The following RCAN2 variants were observed in gnomAD, a reference collection of about 807,000 sequenced individuals.
RCAN2 encodes the protein regulator of calcineurin 2.
In RCAN2, 9 loss-of-function variants were observed where a neutral mutation model predicts 23.6. That is an observed-to-expected ratio of 0.38 (90% CI 0.23 to 0.67). The LOEUF is 0.67. Among genes scored for constraint, RCAN2 ranks in the 30% least tolerant of loss-of-function variants. RCAN2 has a pLI of 0.51. For missense variants in RCAN2, 273 were observed against 302.3 expected, an observed-to-expected ratio of 0.90 and a Z score of 0.72; for synonymous variants, 109 against 115.7, an observed-to-expected ratio of 0.94 and a Z score of 0.37.
Position 46,234,817 on chromosome 6 carries a change from G to A in RCAN2, c.572-11516C>T, listed in dbSNP as rs1277069700. On this transcript the variant is annotated intron_variant, in intron 4 of 4. Transcript: ENST00000371374. ...AAATTAGATGCCAAAGTTCTGTCTCGTCTTTTCCCAAGTGGCTGGAGACAG... is the reference window on the plus strand; with the variant it reads ...AAATTAGATGCCAAAGTTCTGTCTCATCTTTTCCCAAGTGGCTGGAGACAG... Among the ~76,000 whole-genome samples, 6 of 152,318 alleles carry A rather than the reference G, an allele frequency of 3.9e-5. No individual in the cohort carries two copies. In the East Asian group the frequency reaches 7.7e-4, roughly 20 times the overall value.
chr6:46,297,355 C>T (rs1054781355), intron 2 of RCAN2, among the ~76,000 whole-genome samples: 17 of 152,232 alleles, frequency 1.1e-4, no homozygotes, highest in African/African-American at 3.4e-4. Context: ...CGAATAATCA[C>T]AGTAAAGCTT....
intron 2 of RCAN2, among the ~76,000 whole-genome samples, chr6:46,437,249 C>A (rs753083621): frequency 6.6e-6 from 1 of 152,138 alleles, no homozygotes; most frequent in African/African-American, 2.4e-5. Flanking sequence ...TAATGCCCTG[C>A]CATCAAGTTC....
At chr6:46,300,828 A>T (rs1295379518) in intron 2 of RCAN2, among the ~76,000 whole-genome samples, 1 of 152,090 alleles carries the variant, frequency 6.6e-6, no homozygotes, top group Non-Finnish European at 1.5e-5. Flanking sequence ...AGAAGAAGAA[A>T]CTAAAATGAG....
At chr6:46,362,268 G>A (rs1316586626) in intron 2 of RCAN2, among the ~76,000 whole-genome samples, 1 of 152,022 alleles carries the variant, frequency 6.6e-6, no homozygotes, top group Non-Finnish European at 1.5e-5. Context: ...CCACTCAAGG[G>A]GAGTGAATTC....
In RCAN2 at chr6:46,221,209, C is replaced by T. The variant is rs1765464876; in HGVS notation, c.*1932G>A. On this transcript the variant is annotated 3_prime_UTR_variant, in exon 5 of 5. Coordinates refer to ENST00000371374, the MANE Select transcript of RCAN2 (RefSeq NM_001251974.2). The stretch of plus-strand genomic sequence containing the variant: ...AACATTTAAAAATCATTTTCAAATA[C>T]TTTCTCTCATCTAGATTTCTTTAGA... The T allele has an allele frequency of 6.6e-6, 1 of 152,424 alleles. No individual in the cohort carries two copies. Among genetic ancestry groups the T allele is most frequent in the Non-Finnish European group, 1.5e-5 (1 of 68,030 alleles). 9.4% of individuals were successfully genotyped at this position (152,424 alleles called of 1,614,324 possible). A position where few individuals can be genotyped will look rare whatever the true frequency, so the allele number is the denominator to read the frequency against.
At chr6:46,315,040 G>A (rs768531772) in intron 2 of RCAN2, among the ~76,000 whole-genome samples, 15 of 152,208 alleles carry the variant, frequency 9.9e-5, no homozygotes, top group African/African-American at 1.7e-4. Flanking sequence ...CAGCCTGGGC[G>A]ATAGAGCCAG....
chr6:46,342,826 C>G (rs531228110), intron 2 of RCAN2, among the ~76,000 whole-genome samples: 4 of 152,098 alleles, frequency 2.6e-5, no homozygotes, highest in Admixed American at 2.0e-4. Context: ...AATAATGGAT[C>G]AGAATCCCAA....
intron 2 of RCAN2, among the ~76,000 whole-genome samples, chr6:46,375,197 G>C (rs1267060733): frequency 1.3e-5 from 2 of 152,144 alleles, no homozygotes; most frequent in Non-Finnish European, 2.9e-5. Flanking sequence ...TGCCTGCCTT[G>C]GCCTCCCAAA....
intron 2 of RCAN2, among the ~76,000 whole-genome samples, chr6:46,375,078 C>T (rs1206900799): frequency 6.6e-6 from 1 of 152,044 alleles, no homozygotes; most frequent in Non-Finnish European, 1.5e-5. Context: ...GCATTACAGC[C>T]AGCAGCCCAG....
chr6:46,325,531 G>A, intron 2 of RCAN2: 2 of 1,608,970 alleles, frequency 1.2e-6, no homozygotes, highest in Non-Finnish European at 8.5e-7. Flanking sequence ...AGTTGGGAGT[G>A]AAGGGAAGAG....
At chr6:46,489,415 G>A (rs1407964216) in intron 1 of RCAN2, among the ~76,000 whole-genome samples, 2 of 152,208 alleles carry the variant, frequency 1.3e-5, no homozygotes, top group African/African-American at 4.8e-5. Context: ...AAGCACACAG[G>A]AGGTGCTCAA....
intron 2 of RCAN2, among the ~76,000 whole-genome samples, chr6:46,429,308 A>G (rs1767120762): frequency 6.6e-6 from 1 of 152,190 alleles, no homozygotes. Flanking sequence ...GCTTTGCACA[A>G]CAGAGGCATT....
chr6:46,418,602 C>T (rs2150411062), intron 2 of RCAN2, among the ~76,000 whole-genome samples: 1 of 151,304 alleles, frequency 6.6e-6, no homozygotes. Context: ...GTGCTAGGAG[C>T]CAGCTCCCAT....
chr6:46,403,168 T>C (rs901460443), intron 2 of RCAN2, among the ~76,000 whole-genome samples: 1 of 151,984 alleles, frequency 6.6e-6, no homozygotes, highest in African/African-American at 2.4e-5. Flanking sequence ...GGTTTCACCA[T>C]GTTAGCCAGG....
intron 2 of RCAN2, among the ~76,000 whole-genome samples, chr6:46,304,886 G>A (rs1208187452): frequency 6.6e-6 from 1 of 152,118 alleles, no homozygotes; most frequent in African/African-American, 2.4e-5. Context: ...CTAGAACGGG[G>A]GGTGCCCAGT....
intron 2 of RCAN2, among the ~76,000 whole-genome samples, chr6:46,442,895 AG>A (rs1281489041): frequency 6.6e-6 from 1 of 152,168 alleles, no homozygotes; most frequent in African/African-American, 2.4e-5. Context: ...AGTCACTTTA[AG>A]AAAGGTTAAG....
chr6:46,310,510 G>T (rs1362762875), intron 2 of RCAN2, among the ~76,000 whole-genome samples: 3 of 150,830 alleles, frequency 2.0e-5, no homozygotes, highest in East Asian at 1.9e-4. Flanking sequence ...TAACACTCTT[G>T]TGAAGAAACT....
intron 1 of RCAN2, among the ~76,000 whole-genome samples, chr6:46,457,974 A>T (rs1461353100): frequency 6.6e-6 from 1 of 152,146 alleles, no homozygotes; most frequent in Non-Finnish European, 1.5e-5. Flanking sequence ...GCTGGTATCT[A>T]CTTTCTTCTT....
At chr6:46,417,335 A>G (rs1237370765) in intron 2 of RCAN2, among the ~76,000 whole-genome samples, 2 of 152,216 alleles carry the variant, frequency 1.3e-5, no homozygotes, top group African/African-American at 4.8e-5. Flanking sequence ...TTGGATGTGC[A>G]TATCTTACCT....
Sources: allele counts gnomAD v4.1 joint callset (sites outside exome capture counted in the v4.1 genomes callset), GRCh38; gene constraint gnomAD v4.1.1; transcripts MANE v1.5; gene names NCBI Gene and HGNC (gene_info 2026-07-23, HGNC 2026-07-21).